Variants in PSMG4 observed in about 807,000 individuals in gnomAD.
PSMG4 encodes proteasome assembly chaperone 4.
In PSMG4, 10 loss-of-function variants were observed where a neutral mutation model predicts 11.0. That is an observed-to-expected ratio of 0.91 (90% confidence interval 0.56 to 1.54). PSMG4 has a LOEUF of 1.54. Among genes scored for constraint, PSMG4 ranks in the 40% most tolerant of loss-of-function variants. PSMG4 has a pLI of 0.00. For missense variants in PSMG4, 198 were observed against 160.9 expected (o/e 1.23, Z -1.25); for synonymous variants, 95 against 71.3 (o/e 1.33, Z -1.68).
upstream of PSMG4, among the ~76,000 whole-genome samples, chr6:3,256,299 T>A (rs1757763957): frequency 6.6e-6 from 1 of 152,212 alleles, no homozygotes; most frequent in Non-Finnish European, 1.5e-5. Context: ...CAGTTATACA[T>A]TTGAGGACCA....
upstream of PSMG4, chr6:3,255,285 C>G (rs377760114): frequency 3.7e-4 from 574 of 1,534,560 alleles, no homozygotes; most frequent in Middle Eastern, 5.5e-3. Context: ...ACGGGTCTAT[C>G]GGTGCCCATC....
In PSMG4 at chr6:3,267,921, AT is replaced by A. The variant is rs915192096; in HGVS notation, c.*212del. 1.6e-4 allele frequency: 72 copies of A among 452,164 alleles called. No individual in the cohort carries two copies. The highest frequency in any genetic ancestry group is 1.3e-3 in the African/African-American group (66 of 51,124). The allele number at this position is 452,164 out of a possible 1,614,324, so 28.0% of individuals were successfully genotyped here. ...CAAAGTGGGCAGTATATACTTCCTC[AT>A]TTGGCTGTGAGTGATAGAGGGATGA... is the stretch of plus-strand genomic sequence containing the variant. On this transcript the variant is annotated 3_prime_UTR_variant, in exon 3 of 3. Transcript: ENST00000438998.
intron 2 of PSMG4, chr6:3,264,464 G>A: frequency 2.1e-6 from 3 of 1,399,392 alleles, no homozygotes; most frequent in Non-Finnish European, 2.8e-6. Flanking sequence ...TGTGTCTCAG[G>A]CACAGGACCT....
chr6:3,259,847 T>C (rs1156908627), intron 1 of PSMG4, among the ~76,000 whole-genome samples: 1 of 152,208 alleles, frequency 6.6e-6, no homozygotes, highest in Non-Finnish European at 1.5e-5. Flanking sequence ...TCTCCCGCCT[T>C]TCCGGCTTTG....
At chr6:3,254,994 T>C (rs1757702343), upstream of PSMG4, 16 of 1,526,384 alleles carry the variant, frequency 1.0e-5, no homozygotes, top group Non-Finnish European at 1.4e-5. Context: ...CCCATGGACC[T>C]AGCGCACTCC....
Position 3,259,171 on chromosome 6 carries a change from T to C in PSMG4, c.149T>C (p.Leu50Pro). ...GGGGCCACGCCGCACCTGCGCAACCTCGCCGTGGCCATGTGCAGCCGCTAC... is the reference window on the plus strand; with the variant it reads ...GGGGCCACGCCGCACCTGCGCAACCCCGCCGTGGCCATGTGCAGCCGCTAC... ...WVGATPHLRN[L>P]AVAMCSRYDS... is the part of the protein sequence containing the mutation. The change falls in exon 1 of 3, where the codon CTC (leucine) becomes CCC (proline). Residue 50 changes from leucine (L) to proline (P), a missense_variant. Coordinates refer to ENST00000438998, the MANE Select transcript of PSMG4 (RefSeq NM_001128591.2). The C allele has an allele frequency of 7.6e-7, 1 of 1,307,392 alleles. No homozygotes were observed. The highest frequency in any genetic ancestry group is 9.7e-7 in the Non-Finnish European group (1 of 1,028,794). The allele number at this position is 1,307,392 out of a possible 1,614,324, so 81.0% of individuals were successfully genotyped here. A position where few individuals can be genotyped will look rare whatever the true frequency, so the allele number is the denominator to read the frequency against.
chr6:3,267,474 T>C, intron 2 of PSMG4, 117 bp from the exon 3 acceptor site: 1 of 1,219,546 alleles, frequency 8.2e-7, no homozygotes, highest in Non-Finnish European at 1.1e-6. Flanking sequence ...TAGAGCTTTC[T>C]TTTCTCCCTA....
chr6:3,262,271 T>C (rs570637596), intron 1 of PSMG4, among the ~76,000 whole-genome samples: 2 of 152,258 alleles, frequency 1.3e-5, no homozygotes, highest in East Asian at 3.9e-4. Context: ...TCGGAAGTAA[T>C]GAACTATTAA....
upstream of PSMG4, chr6:3,255,107 CAA>C (rs1757711189): frequency 6.4e-7 from 1 of 1,551,032 alleles, no homozygotes; most frequent in Non-Finnish European, 8.7e-7. Context: ...CATAGGAGCA[CAA>C]CATCACCAGC....
upstream of PSMG4, chr6:3,255,318 T>C: frequency 6.7e-7 from 1 of 1,500,092 alleles, no homozygotes. Context: ...TGGATGAGGC[T>C]AACGGCAACT....
At chr6:3,255,339 TTC>T, upstream of PSMG4, 1 of 1,465,148 alleles carries the variant, frequency 6.8e-7, no homozygotes, top group Non-Finnish European at 9.0e-7. Flanking sequence ...GGTGGAGTCA[TTC>T]TATGTAGTTG....
chr6:3,257,667 A>G (rs1008762984), upstream of PSMG4, among the ~76,000 whole-genome samples: 12 of 152,190 alleles, frequency 7.9e-5, no homozygotes, highest in Non-Finnish European at 1.8e-4. Flanking sequence ...GTGTGATTCC[A>G]CTGATACAAA....
chr6:3,254,457 T>TTTTG (rs572693140), upstream of PSMG4, among the ~76,000 whole-genome samples: 187 of 151,478 alleles, frequency 1.2e-3, no homozygotes, highest in African/African-American at 4.1e-3. Flanking sequence ...TCTGCTTTTT[T>TTTTG]TGTGTGTCTT....
chr6:3,264,222 G>C lies in PSMG4; in HGVS notation c.250+463G>C, dbSNP rs374756546. On this transcript the variant is annotated intron_variant, in intron 2 of 2. Transcript: ENST00000438998. The stretch of plus-strand genomic sequence containing the variant: ...GATACCGTTCAGGGCTCGGAGGGAA[G>C]ACTGGCCTGGCCTGTGAGTGTGGCG... 79 of 1,551,638 alleles carry C rather than the reference G, an allele frequency of 5.1e-5. No homozygotes were observed. In the African/African-American group the frequency reaches 1.0e-3, roughly 20 times the overall value.
chr6:3,258,875 C>T (rs989944980), upstream of PSMG4: 4 of 774,246 alleles, frequency 5.2e-6, no homozygotes, highest in African/African-American at 5.4e-5. Flanking sequence ...GGGATCGCCC[C>T]TCCCCGACCA....
intron 1 of PSMG4, among the ~76,000 whole-genome samples, chr6:3,259,704 G>C (rs1230177234): frequency 6.6e-6 from 1 of 152,150 alleles, no homozygotes; most frequent in Admixed American, 6.5e-5. Context: ...AGTTGTCTTT[G>C]ATTCCTCTTT....
chr6:3,261,613 G>A lies in PSMG4; in HGVS notation c.175-2071G>A, dbSNP rs956706862. Among the ~76,000 whole-genome samples, 6 of 152,326 alleles carry A rather than the reference G, an allele frequency of 3.9e-5. No individual in the cohort carries two copies. The South Asian group carries it at 1.2e-3, about 32-fold the overall frequency. On this transcript the variant is annotated intron_variant, in intron 1 of 2. Coordinates refer to ENST00000438998, the MANE Select transcript of PSMG4 (RefSeq NM_001128591.2). ...GGGGATTGATTGAGTTACCTGACTT[G>A]TCAGAAGTCCAGTCCCTCTCACTGG...
intron 2 of PSMG4, chr6:3,265,364 G>A (rs1395783713): frequency 6.6e-6 from 1 of 151,904 alleles, no homozygotes; most frequent in Non-Finnish European, 1.5e-5. Context: ...GAAAGAGAAG[G>A]CCTGGGGGGT....
chr6:3,259,278 G>A, intron 1 of PSMG4, 82 bp downstream of exon 1: 4 of 1,174,802 alleles, frequency 3.4e-6, no homozygotes, highest in Non-Finnish European at 4.3e-6. Flanking sequence ...AGCCCCCCAG[G>A]CTTCTCTTGG....
Sources: gnomAD v4.1 joint callset for allele counts (sites outside exome capture counted in the v4.1 genomes callset) on GRCh38, gnomAD v4.1.1 for gene constraint, MANE v1.5 for transcripts, NCBI Gene and HGNC (gene_info 2026-07-23, HGNC 2026-07-21) for gene names.